Variants in FGF12 observed in about 807,000 individuals in gnomAD.
FGF12 encodes the protein fibroblast growth factor 12B.
A neutral mutation model predicts 23.6 loss-of-function variants in FGF12; 14 were observed. The observed-to-expected ratio is 0.59, with a 90% CI of 0.39 to 0.93. FGF12 has a LOEUF of 0.93. Among genes scored for constraint, FGF12 ranks in the 40% least tolerant of loss-of-function variants. The pLI, the probability that FGF12 is intolerant of heterozygous loss-of-function variation, is 0.00. For synonymous variants in FGF12, 62 were observed against 77.3 expected, an observed-to-expected ratio of 0.80 and a Z score of 1.04; for missense variants, 175 against 217.8, an observed-to-expected ratio of 0.80 and a Z score of 1.24.
At chr3:192,154,626 G>A (rs1488098195) in intron 5 of FGF12, among the ~76,000 whole-genome samples, 5 of 150,532 alleles carry the variant, frequency 3.3e-5, no homozygotes, top group South Asian at 2.1e-4. Context: ...TAGGCTGCTC[G>A]GGGGTCAGGG....
intron 2 of FGF12, among the ~76,000 whole-genome samples, chr3:192,626,467 C>G (rs1464872944): frequency 6.6e-6 from 1 of 152,110 alleles, no homozygotes; most frequent in Non-Finnish European, 1.5e-5. Flanking sequence ...AAAATTTCAG[C>G]TGGGTAGACA....
chr3:192,724,080 AAAGG>A (rs1297711317), intron 2 of FGF12, among the ~76,000 whole-genome samples: 11 of 127,468 alleles, frequency 8.6e-5, no homozygotes, highest in East Asian at 3.1e-4. Flanking sequence ...AGGAAGGAAG[AAAGG>A]AAGGAAGGAA....
At chr3:192,647,722 TACAC>T (rs1560180857) in intron 2 of FGF12, among the ~76,000 whole-genome samples, 2 of 145,612 alleles carry the variant, frequency 1.4e-5, no homozygotes, top group Non-Finnish European at 3.0e-5. Flanking sequence ...CATATATATA[TACAC>T]ATATATACAT....
At chr3:192,213,414 A>G (rs1293284344) in intron 4 of FGF12, among the ~76,000 whole-genome samples, 6 of 152,218 alleles carry the variant, frequency 3.9e-5, no homozygotes, top group Non-Finnish European at 7.3e-5. Context: ...CCAGACATGA[A>G]TTAAGCTCTT....
intron 2 of FGF12, among the ~76,000 whole-genome samples, chr3:192,437,126 T>C (rs1390871632): frequency 6.6e-6 from 1 of 152,018 alleles, no homozygotes; most frequent in East Asian, 1.9e-4. Context: ...CATAGTTAAG[T>C]AAGCACAGGG....
intron 2 of FGF12, among the ~76,000 whole-genome samples, chr3:192,598,979 G>A (rs1421421822): frequency 6.6e-6 from 1 of 152,100 alleles, no homozygotes; most frequent in South Asian, 2.1e-4. Flanking sequence ...GGATGAAGTT[G>A]AAAACCATCA....
intron 2 of FGF12, among the ~76,000 whole-genome samples, chr3:192,464,499 G>GGTGT (rs34803297): frequency 0.013 from 1,698 of 132,646 alleles, 14 homozygotes; most frequent in Non-Finnish European, 0.016. Flanking sequence ...AGTATTCCAT[G>GGTGT]GTGTGTGTGT....
At chr3:192,272,178 C>T (rs1713488313) in intron 4 of FGF12, among the ~76,000 whole-genome samples, 1 of 152,030 alleles carries the variant, frequency 6.6e-6, no homozygotes, top group Non-Finnish European at 1.5e-5. Context: ...CACCCAGAGA[C>T]AAATCCAAAT....
chr3:192,340,417 A>G (rs905004257), intron 3 of FGF12, among the ~76,000 whole-genome samples: 2 of 152,188 alleles, frequency 1.3e-5, no homozygotes, highest in Admixed American at 1.3e-4. Context: ...AACAAGAGGG[A>G]GAATATGCAG....
chr3:192,439,974 T>C (rs1425465845), intron 2 of FGF12, among the ~76,000 whole-genome samples: 1 of 123,470 alleles, frequency 8.1e-6, no homozygotes, highest in African/African-American at 4.2e-5. Context: ...AGACTCCATA[T>C]GGAAAAAAAA....
chr3:192,330,351 C>T (rs765353065), intron 4 of FGF12, among the ~76,000 whole-genome samples: 7 of 152,060 alleles, frequency 4.6e-5, no homozygotes, highest in Non-Finnish European at 7.4e-5. Context: ...CTATGGTAAT[C>T]GAACAGTATG....
At chr3:192,711,940 CAAAAAAA>C (rs60779864) in intron 2 of FGF12, among the ~76,000 whole-genome samples, 37 of 50,830 alleles carry the variant, frequency 7.3e-4, no homozygotes, top group Admixed American at 1.5e-3. Flanking sequence ...CAAGAACGAT[CAAAAAAA>C]AAAAAAAAAA....
At chr3:192,692,684 G>T (rs1281067316) in intron 2 of FGF12, among the ~76,000 whole-genome samples, 1 of 150,882 alleles carries the variant, frequency 6.6e-6, no homozygotes, top group Non-Finnish European at 1.5e-5. Flanking sequence ...CCAGCAGCCT[G>T]GGTGACAGAG....
chr3:192,483,192 G>A (rs1434202230), intron 2 of FGF12, among the ~76,000 whole-genome samples: 1 of 151,908 alleles, frequency 6.6e-6, no homozygotes, highest in Non-Finnish European at 1.5e-5. Context: ...CTCCTTCTCT[G>A]CCTACCTAAC....
intron 4 of FGF12, among the ~76,000 whole-genome samples, chr3:192,241,144 T>C (rs1373140516): frequency 1.3e-5 from 2 of 152,160 alleles, no homozygotes; most frequent in Non-Finnish European, 2.9e-5. Context: ...TTCCCATGAG[T>C]TCTTGCTGAA....
chr3:192,395,985 A>AGTAT (rs1720502287), intron 2 of FGF12, among the ~76,000 whole-genome samples: 1 of 152,228 alleles, frequency 6.6e-6, no homozygotes, highest in Non-Finnish European at 1.5e-5. Flanking sequence ...CGGCTAGAGT[A>AGTAT]GTATGTGGGG....
intron 2 of FGF12, among the ~76,000 whole-genome samples, chr3:192,368,433 T>C (rs1166282101): frequency 2.6e-5 from 4 of 152,176 alleles, no homozygotes; most frequent in South Asian, 2.1e-4. Context: ...GGATGTGCTA[T>C]TGTGGACAGA....
Position 192,143,916 on chromosome 3 carries a change from C to T in FGF12, c.*93G>A. The T allele has an allele frequency of 1.3e-6, 1 of 792,606 alleles. No homozygotes were observed. The highest frequency in any genetic ancestry group is 2.1e-6 in the Non-Finnish European group (1 of 467,032). The allele number at this position is 792,606 out of a possible 1,614,324, so 49.1% of individuals were successfully genotyped here. ...GGTCTTGCGTTGTCATTTTATTTTC[C>T]TCTCCTTGGGTGGATTTACTGGAAG... On this transcript the variant is annotated 3_prime_UTR_variant, in exon 6 of 6. Transcript: ENST00000445105.
rs1004107313 is a variant in FGF12 at position 192,687,658 on chromosome 3, C to T, written c.13+39523G>A. Among the ~76,000 whole-genome samples, 125 of 152,214 alleles carry T rather than the reference C, an allele frequency of 8.2e-4. 2 individuals are homozygous for T. Among genetic ancestry groups the T allele is most frequent in the African/African-American group, 2.7e-3 (113 of 41,532 alleles). ...GGCTAGGGCATGCACCCAACCCTGC[C>T]CCTGTACCTGTGCATGTGTAAGTAG... On this transcript the variant is annotated intron_variant, in intron 2 of 5. Transcript: ENST00000445105.
Sources: allele counts gnomAD v4.1 joint callset (sites outside exome capture counted in the v4.1 genomes callset), GRCh38; gene constraint gnomAD v4.1.1; transcripts MANE v1.5; gene names NCBI Gene and HGNC (gene_info 2026-07-23, HGNC 2026-07-21).